The following DCC variants were observed in gnomAD, a reference collection of about 807,000 sequenced individuals.
DCC encodes the protein DCC netrin 1 receptor.
In DCC, 58 loss-of-function variants were observed where a neutral mutation model predicts 172.5. The observed-to-expected ratio is 0.34, with a 90% CI of 0.27 to 0.42. DCC has a LOEUF of 0.42. Among genes scored for constraint, DCC ranks in the 10% least tolerant of loss-of-function variants. The pLI, the probability that DCC is intolerant of heterozygous loss-of-function variation, is 1.00. For missense variants in DCC, 1,740 were observed against 1,791.0 expected, an observed-to-expected ratio of 0.97 and a Z score of 0.51; for synonymous variants, 709 against 644.5, an observed-to-expected ratio of 1.10 and a Z score of -1.52.
At chr18:53,232,280 C>T (rs1389407454) in intron 12 of DCC, among the ~76,000 whole-genome samples, 1 of 152,166 alleles carries the variant, frequency 6.6e-6, no homozygotes, top group Non-Finnish European at 1.5e-5. Flanking sequence ...CCCTACTTGA[C>T]TTGTCATCCT....
At chr18:52,887,696 C>T (rs546866777) in intron 2 of DCC, among the ~76,000 whole-genome samples, 1 of 152,240 alleles carries the variant, frequency 6.6e-6, no homozygotes, top group South Asian at 2.1e-4. Flanking sequence ...TTTATCTCAA[C>T]TTCTAGATAT....
chr18:52,943,138 C>T (rs2040489699), intron 5 of DCC, among the ~76,000 whole-genome samples: 1 of 152,002 alleles, frequency 6.6e-6, no homozygotes, highest in Admixed American at 6.6e-5. Context: ...TTTAGTGCAA[C>T]TCAGAAGATA....
At chr18:52,485,181 G>T (rs920991724) in intron 1 of DCC, among the ~76,000 whole-genome samples, 4 of 152,072 alleles carry the variant, frequency 2.6e-5, no homozygotes, top group Non-Finnish European at 4.4e-5. Context: ...GTATGGTGCT[G>T]CAGAGTCTTG....
At chr18:52,795,462 CCTT>C (rs1277030498) in intron 2 of DCC, among the ~76,000 whole-genome samples, 1 of 151,510 alleles carries the variant, frequency 6.6e-6, no homozygotes, top group Non-Finnish European at 1.5e-5. Flanking sequence ...AGTTGTAATT[CCTT>C]CTTTTTCATT....
At chr18:52,657,415 G>C (rs1221535495) in intron 1 of DCC, among the ~76,000 whole-genome samples, 2 of 152,184 alleles carry the variant, frequency 1.3e-5, no homozygotes, top group African/African-American at 4.8e-5. Flanking sequence ...AATTTGCTGA[G>C]GGGCCCCTTA....
intron 7 of DCC, among the ~76,000 whole-genome samples, chr18:53,084,714 A>G (rs1426317344): frequency 1.3e-5 from 2 of 152,228 alleles, no homozygotes; most frequent in African/African-American, 4.8e-5. Flanking sequence ...AAAGGAATAC[A>G]GCTTTGCCTA....
intron 1 of DCC, among the ~76,000 whole-genome samples, chr18:52,583,684 T>C (rs2033607182): frequency 6.6e-6 from 1 of 152,192 alleles, no homozygotes; most frequent in African/African-American, 2.4e-5. Flanking sequence ...TAGCCATAAG[T>C]CACAAAGTTT....
intron 1 of DCC, among the ~76,000 whole-genome samples, chr18:52,687,762 C>A (rs966998062): frequency 6.6e-6 from 1 of 151,904 alleles, no homozygotes; most frequent in Non-Finnish European, 1.5e-5. Context: ...GCAGTGGTAC[C>A]TAGAGTTTTA....
At chr18:52,475,717 A>T (rs569062543) in intron 1 of DCC, among the ~76,000 whole-genome samples, 91 of 152,318 alleles carry the variant, frequency 6.0e-4, no homozygotes, top group Admixed American at 5.1e-3. Flanking sequence ...AGGGAAGGAG[A>T]GAGTGACCAA....
intron 1 of DCC, among the ~76,000 whole-genome samples, chr18:52,585,723 C>A (rs1175193843): frequency 6.6e-6 from 1 of 152,208 alleles, no homozygotes; most frequent in Non-Finnish European, 1.5e-5. Flanking sequence ...CAAACCTAAT[C>A]ATACAATTCC....
At chr18:52,409,138 C>G (rs886272554) in intron 1 of DCC, 1 of 152,110 alleles carries the variant, frequency 6.6e-6, no homozygotes, top group Admixed American at 6.6e-5. Context: ...AACAGCAGTT[C>G]GTACATTTCC....
intron 9 of DCC, among the ~76,000 whole-genome samples, chr18:53,204,675 A>G (rs150841067): frequency 3.6e-4 from 55 of 152,316 alleles, no homozygotes; most frequent in Non-Finnish European, 7.1e-4. Context: ...TAAAAAGTGG[A>G]ATTGAAAATG....
At chr18:52,977,686 C>A (rs918430638) in intron 5 of DCC, among the ~76,000 whole-genome samples, 5 of 151,828 alleles carry the variant, frequency 3.3e-5, no homozygotes, top group Admixed American at 6.6e-5. Flanking sequence ...GAGATTGAGA[C>A]CATCCTGGCT....
intron 9 of DCC, among the ~76,000 whole-genome samples, chr18:53,197,754 A>C (rs1038317414): frequency 6.6e-6 from 1 of 152,122 alleles, no homozygotes; most frequent in African/African-American, 2.4e-5. Context: ...ATGAAAAATC[A>C]TAATTTAGGT....
intron 27 of DCC, among the ~76,000 whole-genome samples, chr18:53,504,482 C>G (rs927801468): frequency 6.6e-6 from 1 of 152,180 alleles, no homozygotes; most frequent in African/African-American, 2.4e-5. Flanking sequence ...TACACTACAT[C>G]TAAGTTTCAT....
At chr18:53,528,936 G>A (rs940451191) in intron 28 of DCC, among the ~76,000 whole-genome samples, 28 of 151,640 alleles carry the variant, frequency 1.8e-4, no homozygotes, top group Non-Finnish European at 3.4e-4. Context: ...GACAGTTTGA[G>A]AACGACAACC....
intron 22 of DCC, 37 bp downstream of exon 22, chr18:53,435,246 A>G (rs1332133003): frequency 7.5e-7 from 1 of 1,327,678 alleles, no homozygotes; most frequent in East Asian, 2.3e-5. Context: ...AATTAGTTAT[A>G]TTAATTAAAT....
At chr18:52,902,260 A>G (rs1454410010) in intron 2 of DCC, among the ~76,000 whole-genome samples, 4 of 152,230 alleles carry the variant, frequency 2.6e-5, no homozygotes, top group Admixed American at 6.5e-5. Flanking sequence ...AGACAATGCC[A>G]GAACATTTTG....
At chr18:52,724,321 T>A (rs1242490240) in intron 1 of DCC, among the ~76,000 whole-genome samples, 1 of 151,782 alleles carries the variant, frequency 6.6e-6, no homozygotes, top group African/African-American at 2.4e-5. Flanking sequence ...TATTTTATTA[T>A]TTTTTTTAAT....
Sources: allele counts gnomAD v4.1 joint callset (sites outside exome capture counted in the v4.1 genomes callset), GRCh38; gene constraint gnomAD v4.1.1; transcripts MANE v1.5; gene names NCBI Gene and HGNC (gene_info 2026-07-23, HGNC 2026-07-21).